Variants in VIT observed in about 807,000 individuals in gnomAD.
VIT encodes vitrin.
In VIT, 99 loss-of-function variants were observed where a neutral mutation model predicts 78.0. The ratio of observed to expected loss-of-function variants is 1.27; its 90% CI spans 1.08 to 1.50. The LOEUF is 1.50. Among genes scored for constraint, VIT ranks in the 40% most tolerant of loss-of-function variants. The pLI, the probability that VIT is intolerant of heterozygous loss-of-function variation, is 0.00. For synonymous variants in VIT, 374 were observed against 334.3 expected, an observed-to-expected ratio of 1.12 and a Z score of -1.29; for missense variants, 1,126 against 875.3, an observed-to-expected ratio of 1.29 and a Z score of -3.61.
chr2:36,700,740 AAAT>A (rs35617030), intron 1 of VIT, among the ~76,000 whole-genome samples: 77,553 of 150,498 alleles, frequency 0.52, 20,127 homozygotes, highest in South Asian at 0.61. Flanking sequence ...TATCTCAATT[AAAT>A]AATAATAATA....
chr2:36,772,350 G>A (rs555667272), intron 7 of VIT, among the ~76,000 whole-genome samples: 9 of 152,132 alleles, frequency 5.9e-5, no homozygotes, highest in South Asian at 4.2e-4. Flanking sequence ...CAGCCTGACC[G>A]ACATGGAGAA....
At chr2:36,699,446 C>A (rs1018725135) in intron 1 of VIT, among the ~76,000 whole-genome samples, 12 of 151,566 alleles carry the variant, frequency 7.9e-5, no homozygotes, top group African/African-American at 2.7e-4. Flanking sequence ...GTTTACCTAA[C>A]CAGAGACTTA....
At chr2:36,730,112 G>A (rs1034042828) in intron 3 of VIT, among the ~76,000 whole-genome samples, 15 of 151,908 alleles carry the variant, frequency 9.9e-5, no homozygotes, top group African/African-American at 2.7e-4. Context: ...CCTGGCCAAC[G>A]TGGTGTCTTT....
At chr2:36,776,727 C>T (rs1245154697) in intron 9 of VIT, among the ~76,000 whole-genome samples, 1 of 150,920 alleles carries the variant, frequency 6.6e-6, no homozygotes, top group African/African-American at 2.4e-5. Flanking sequence ...CCTGGGAGGC[C>T]GAGGGTGCAG....
At chr2:36,711,298 C>T (rs1665782705) in intron 1 of VIT, among the ~76,000 whole-genome samples, 3 of 152,210 alleles carry the variant, frequency 2.0e-5, no homozygotes, top group Admixed American at 1.3e-4. Context: ...GTGCATTCTT[C>T]TCATACATCT....
intron 3 of VIT, among the ~76,000 whole-genome samples, chr2:36,732,131 C>G (rs1364607528): frequency 6.6e-6 from 1 of 152,174 alleles, no homozygotes; most frequent in Non-Finnish European, 1.5e-5. Flanking sequence ...AAATGCACGC[C>G]CAAGTATGAA....
At chr2:36,719,648 C>T (rs76208090) in intron 2 of VIT, among the ~76,000 whole-genome samples, 5,276 of 152,198 alleles carry the variant, frequency 0.035, 118 homozygotes, top group Non-Finnish European at 0.053. Context: ...AATTATAAAA[C>T]GTTGATGAGG....
chr2:36,761,146 G>C (rs1669093900), intron 6 of VIT, among the ~76,000 whole-genome samples: 1 of 152,210 alleles, frequency 6.6e-6, no homozygotes, highest in Admixed American at 6.5e-5. Flanking sequence ...TGGATCTGCA[G>C]AAAGATTGGT....
intron 1 of VIT, among the ~76,000 whole-genome samples, chr2:36,701,341 T>C (rs1665045802): frequency 6.6e-6 from 1 of 152,110 alleles, no homozygotes. Context: ...GTGTAGCCAG[T>C]CTCCAAAACC....
chr2:36,795,302 C>T (rs1019422002), intron 12 of VIT, among the ~76,000 whole-genome samples: 2 of 152,006 alleles, frequency 1.3e-5, no homozygotes, highest in African/African-American at 4.8e-5. Context: ...TCACCTGATG[C>T]ACATCTTCCC....
At chr2:36,795,125 C>G (rs536892224) in intron 12 of VIT, among the ~76,000 whole-genome samples, 1 of 152,150 alleles carries the variant, frequency 6.6e-6, no homozygotes, top group Non-Finnish European at 1.5e-5. Context: ...GAGAAAGTGC[C>G]TGTTCTCAAG....
At chr2:36,809,091 C>T (rs1294431748) in intron 15 of VIT, 106 bp downstream of exon 15, 13 of 1,421,842 alleles carry the variant, frequency 9.1e-6, no homozygotes, top group African/African-American at 8.6e-5. Flanking sequence ...GTTTTTTCTG[C>T]GACTTAATAA....
intron 8 of VIT, chr2:36,774,488 C>A: frequency 1.0e-6 from 1 of 984,932 alleles, no homozygotes; most frequent in Non-Finnish European, 1.2e-6. Flanking sequence ...TGGAAGTATA[C>A]CATTCCCTCT....
At chr2:36,783,496 C>G in intron 11 of VIT, 94 bp downstream of exon 11, 1 of 1,245,168 alleles carries the variant, frequency 8.0e-7, no homozygotes, top group Non-Finnish European at 1.2e-6. Flanking sequence ...ACCTGCCTCT[C>G]TCCTACCGTG....
chr2:36,766,897 G>T (rs1467381981), intron 6 of VIT, among the ~76,000 whole-genome samples, 197 bp from the exon 7 acceptor site: 1 of 152,118 alleles, frequency 6.6e-6, no homozygotes, highest in African/African-American at 2.4e-5. Flanking sequence ...TTGAATCTTT[G>T]GTTGATTGAG....
At chr2:36,813,735 G>C (rs573250871) in intron 15 of VIT, among the ~76,000 whole-genome samples, 7 of 152,122 alleles carry the variant, frequency 4.6e-5, no homozygotes, top group Non-Finnish European at 7.4e-5. Context: ...TGGCATTTAA[G>C]GCTCTCTCAG....
intron 5 of VIT, among the ~76,000 whole-genome samples, chr2:36,758,671 TAAA>T (rs1232078378): frequency 1.4e-4 from 21 of 152,318 alleles, no homozygotes; most frequent in Non-Finnish European, 7.3e-5. Context: ...GCCACACAGA[TAAA>T]AACCTTCACT....
At chr2:36,754,880 A>T in intron 4 of VIT, 41 bp from the exon 5 acceptor site, 1 of 1,594,058 alleles carries the variant, frequency 6.3e-7, no homozygotes, top group South Asian at 1.1e-5. Flanking sequence ...GTCAAAAAAT[A>T]TTTCTGTTCT....
In VIT at chr2:36,758,954, TTC is replaced by T. The variant is rs113030525; in HGVS notation, c.410-11_410-10del. The T allele has an allele frequency of 1.1e-5, 17 of 1,607,086 alleles. 1 individual carries two copies. In the African/African-American group the frequency reaches 1.8e-4, roughly 17 times the overall value. Reference sequence around the variant, plus strand: ...TCTAGAAATAAATCTCGTTTTTTTTTTCTCTTTTTTGCAGAAAGTAAACCCAA... The same window carrying T: ...TCTAGAAATAAATCTCGTTTTTTTTTTCTTTTTTGCAGAAAGTAAACCCAA... On this transcript the variant is annotated splice_polypyrimidine_tract_variant and intron_variant, in intron 5 of 15. Coordinates refer to ENST00000379242, the MANE Select transcript of VIT (RefSeq NM_053276.4).
Sources: gnomAD v4.1 joint callset for allele counts (sites outside exome capture counted in the v4.1 genomes callset) on GRCh38, gnomAD v4.1.1 for gene constraint, MANE v1.5 for transcripts, NCBI Gene and HGNC (gene_info 2026-07-23, HGNC 2026-07-21) for gene names.